Variants in PSPC1 observed in about 807,000 individuals in gnomAD.
PSPC1 encodes paraspeckle protein 1.
A neutral mutation model predicts 51.6 loss-of-function variants in PSPC1; 14 were observed. That is an observed-to-expected ratio of 0.27 (90% CI 0.18 to 0.42). The LOEUF is 0.42. Ranked by LOEUF, PSPC1 falls within the 10% of genes least tolerant of loss-of-function variation. The probability of loss-of-function intolerance (pLI) is 1.00; values close to 1 mark genes in which losing one functional copy is unlikely to be tolerated. For synonymous variants in PSPC1, 193 were observed against 231.9 expected, an observed-to-expected ratio of 0.83 and a Z score of 1.53; for missense variants, 406 against 701.1, an observed-to-expected ratio of 0.58 and a Z score of 4.75.
At chr13:19,751,591 C>T (rs368182067) in intron 3 of PSPC1, 124 bp from the exon 4 acceptor site, 53 of 544,904 alleles carry the variant, frequency 9.7e-5, no homozygotes, top group African/African-American at 2.1e-4. Context: ...TGAATTACCT[C>T]GTGACAATAT....
intron 5 of PSPC1, among the ~76,000 whole-genome samples, chr13:19,730,632 A>G (rs766992580): frequency 1.3e-5 from 2 of 152,074 alleles, no homozygotes; most frequent in Non-Finnish European, 2.9e-5. Flanking sequence ...GAGTCAAAAA[A>G]AGCTGAAACA....
At chr13:19,768,287 G>A (rs1158324161) in intron 2 of PSPC1, among the ~76,000 whole-genome samples, 1 of 151,918 alleles carries the variant, frequency 6.6e-6, no homozygotes, top group Non-Finnish European at 1.5e-5. Flanking sequence ...AGACTGGCAG[G>A]AAGATTTATA....
intron 2 of PSPC1, among the ~76,000 whole-genome samples, chr13:19,768,319 A>G (rs549469944): frequency 4.6e-5 from 7 of 152,174 alleles, no homozygotes; most frequent in Non-Finnish European, 1.0e-4. Context: ...TCTAGATTTC[A>G]TAATTCAGTA....
chr13:19,705,191 T>C (rs181773760), intron 8 of PSPC1, among the ~76,000 whole-genome samples: 2 of 152,372 alleles, frequency 1.3e-5, no homozygotes, highest in African/African-American at 2.4e-5. Context: ...TCCTAATTCT[T>C]GGACTACTTA....
intron 6 of PSPC1, among the ~76,000 whole-genome samples, chr13:19,728,269 A>C (rs1201328420): frequency 5.3e-5 from 8 of 152,186 alleles, no homozygotes; most frequent in Admixed American, 5.2e-4. Flanking sequence ...TTTTGTTGGA[A>C]TATTTCTATT....
At chr13:19,705,061 T>C (rs1455733674) in intron 8 of PSPC1, among the ~76,000 whole-genome samples, 1 of 152,190 alleles carries the variant, frequency 6.6e-6, no homozygotes, top group African/African-American at 2.4e-5. Flanking sequence ...TATCATAAAA[T>C]GCTTGAACGT....
chr13:19,733,981 C>T (rs1165126978), intron 5 of PSPC1, among the ~76,000 whole-genome samples: 1 of 151,708 alleles, frequency 6.6e-6, no homozygotes, highest in Non-Finnish European at 1.5e-5. Flanking sequence ...ATTTTTAAAA[C>T]CATAGAAGAG....
chr13:19,745,276 G>C (rs1178392845), intron 4 of PSPC1, among the ~76,000 whole-genome samples: 2 of 152,098 alleles, frequency 1.3e-5, no homozygotes, highest in East Asian at 3.9e-4. Flanking sequence ...CAGAGATTAT[G>C]CCAACGCAGT....
intron 6 of PSPC1, among the ~76,000 whole-genome samples, chr13:19,717,176 T>C (rs1377343746): frequency 6.6e-6 from 1 of 152,146 alleles, no homozygotes; most frequent in African/African-American, 2.4e-5. Flanking sequence ...TTTAAAAACC[T>C]CAAGATATTA....
intron 1 of PSPC1, among the ~76,000 whole-genome samples, chr13:19,780,773 T>TC (rs1271560796): frequency 2.0e-5 from 3 of 149,444 alleles, no homozygotes; most frequent in Admixed American, 6.8e-5. Context: ...CCCTGCCAAA[T>TC]CCCCCTCTGT....
intron 6 of PSPC1, among the ~76,000 whole-genome samples, chr13:19,696,219 G>C (rs1315844260): frequency 6.6e-6 from 1 of 152,152 alleles, no homozygotes; most frequent in East Asian, 1.9e-4. Context: ...GAGTCAGAGA[G>C]TCCCCAGGTG....
intron 6 of PSPC1, among the ~76,000 whole-genome samples, chr13:19,696,374 C>A (rs1221054473): frequency 6.6e-6 from 1 of 152,100 alleles, no homozygotes; most frequent in African/African-American, 2.4e-5. Context: ...TTTCTTTGCA[C>A]TGGTACAGTC....
In PSPC1 at chr13:19,708,671, T is replaced by C. The variant is rs1223543092; in HGVS notation, c.1216+871A>G. The stretch of plus-strand genomic sequence containing the variant: ...CACACATAATTCCCTTGATGAGTTA[T>C]AGACTACAAACACTGAGTGCACTTC... On this transcript the variant is annotated intron_variant, in intron 7 of 8. Coordinates refer to ENST00000338910, the MANE Select transcript of PSPC1 (RefSeq NM_001354909.2). Among the ~76,000 whole-genome samples the C allele has an allele frequency of 4.6e-5, 7 of 152,318 alleles. No homozygotes were observed. The South Asian group carries it at 6.2e-4, about 14-fold the overall frequency.
chr13:19,687,179 C>T (rs1006611553), intron 6 of PSPC1, among the ~76,000 whole-genome samples: 2 of 152,042 alleles, frequency 1.3e-5, no homozygotes, highest in African/African-American at 4.8e-5. Flanking sequence ...CCAGCCTGGG[C>T]AACAGAGTAA....
downstream of PSPC1, chr13:19,671,758 C>A: frequency 7.4e-7 from 1 of 1,360,272 alleles, no homozygotes; most frequent in Non-Finnish European, 1.0e-6. Context: ...CAAATCTTGG[C>A]CATTTGTGGG....
chr13:19,682,881 GT>G, intron 6 of PSPC1, among the ~76,000 whole-genome samples: 1 of 151,640 alleles, frequency 6.6e-6, no homozygotes, highest in African/African-American at 2.4e-5. Context: ...GGGTAACATA[GT>G]GAGAGACCCT....
intron 6 of PSPC1, among the ~76,000 whole-genome samples, chr13:19,689,970 C>G (rs1442545390): frequency 1.3e-5 from 2 of 152,112 alleles, no homozygotes; most frequent in African/African-American, 2.4e-5. Flanking sequence ...AAGGATAGGG[C>G]AGAGGGAAAC....
chr13:19,680,889 C>T (rs561466756), intron 6 of PSPC1, among the ~76,000 whole-genome samples: 2 of 152,244 alleles, frequency 1.3e-5, no homozygotes, highest in African/African-American at 4.8e-5. Flanking sequence ...ACAGTCAATA[C>T]CACACATACT....
intron 6 of PSPC1, among the ~76,000 whole-genome samples, chr13:19,711,655 A>G (rs1376731822): frequency 6.7e-6 from 1 of 149,962 alleles, no homozygotes; most frequent in Non-Finnish European, 1.5e-5. Context: ...AAAAAAAAAA[A>G]AAAAAAGAAA....
Sources: allele counts gnomAD v4.1 joint callset (sites outside exome capture counted in the v4.1 genomes callset), GRCh38; gene constraint gnomAD v4.1.1; transcripts MANE v1.5; gene names NCBI Gene and HGNC (gene_info 2026-07-23, HGNC 2026-07-21).